UBE4A: variants seen among roughly 807,000 people sequenced by gnomAD.
The protein encoded by UBE4A is ubiquitination factor E4A.
UBE4A carries 48 observed loss-of-function variants against 117.9 expected under a neutral mutation model. The observed-to-expected ratio is 0.41, with a 90% CI of 0.32 to 0.52. UBE4A has a LOEUF of 0.52. UBE4A is among the 20% of genes least tolerant of loss of function. UBE4A has a pLI of 0.33. For missense variants in UBE4A, 1,067 were observed against 1,296.3 expected, an observed-to-expected ratio of 0.82 and a Z score of 2.72; for synonymous variants, 407 against 450.0, an observed-to-expected ratio of 0.90 and a Z score of 1.21.
rs756479938 is a variant in UBE4A at position 118,373,605 on chromosome 11, G to A, written c.1036G>A (p.Val346Ile). The change falls in exon 8 of 20, where the codon GTA (valine) becomes ATA (isoleucine). Residue 346 changes from valine to isoleucine, a missense_variant. Transcript: ENST00000252108. ...ISCLLKTPGVVENHGYFLNPS... is the reference protein window; with the variant it reads ...ISCLLKTPGVIENHGYFLNPS... The stretch of plus-strand genomic sequence containing the variant: ...CTGCTTATTAAAGACTCCGGGTGTT[G>A]TAGAAAATCATGGCTACTTTTTGAA... 4 of 1,614,178 alleles carry A rather than the reference G, an allele frequency of 2.5e-6. No individual in the cohort carries two copies. The highest frequency in any genetic ancestry group is 2.2e-5 in the East Asian group (1 of 44,880).
At position 118,384,680 on chromosome 11, in the gene UBE4A, T is replaced by C. The variant is rs1555126862; in HGVS notation, c.2243T>C (p.Met748Thr). ...FEQKFNYRRP[M>T]YPILRYMWGT... ...CAGAAGTTTAATTACCGCCGTCCCA[T>C]GTATCCTATCCTAAGATACATGTGG... Residue 748 changes from methionine (M) to threonine (T), a missense_variant, in exon 14 of 20, where the codon ATG becomes ACG. Met to Thr is a moderately conservative substitution (Grantham distance 81). Transcript: ENST00000252108. The C allele has an allele frequency of 6.2e-7, 1 of 1,614,126 alleles. No individual in the cohort carries two copies. The highest frequency in any genetic ancestry group is 8.5e-7 in the Non-Finnish European group (1 of 1,179,994).
In UBE4A at chr11:118,365,126, G is replaced by C; in HGVS notation, c.46G>C (p.Ala16Pro). 6.2e-7 allele frequency: 1 copy of C among 1,614,030 alleles called. No homozygotes were observed. The highest frequency in any genetic ancestry group is 8.5e-7 in the Non-Finnish European group (1 of 1,179,974). ...NNNNISSNPF[A>P]ALFGSLADAK... ...CAACAACATCTCAAGTAACCCCTTT[G>C]CTGCTCTTTTTGGCTCCCTGGCTGA... Residue 16 changes from alanine (A) to proline (P), a missense_variant, in exon 2 of 20, where the codon GCT (alanine) becomes CCT (proline). By Grantham distance (27) the Ala-to-Pro change is conservative. Coordinates refer to ENST00000252108, the MANE Select transcript of UBE4A (RefSeq NM_001204077.2).
Position 118,398,412 on chromosome 11 carries a change from A to G in UBE4A, c.*1972A>G, listed in dbSNP as rs1200133809. The G allele has an allele frequency of 6.6e-5, 10 of 152,656 alleles. No individual in the cohort carries two copies. The highest frequency in any genetic ancestry group is 2.2e-4 in the African/African-American group (9 of 41,448). 9.5% of individuals were successfully genotyped at this position (152,656 alleles called of 1,614,324 possible). A position where few individuals can be genotyped will look rare whatever the true frequency, so the allele number is the denominator to read the frequency against. On this transcript the variant is annotated 3_prime_UTR_variant, in exon 20 of 20. Coordinates refer to ENST00000252108, the MANE Select transcript of UBE4A (RefSeq NM_001204077.2). Reference sequence around the variant, plus strand: ...GCTATGGCACCATTAATGCTGCTGAATATCTTTAAACTCTGCACAAGCAAG... The same window carrying G: ...GCTATGGCACCATTAATGCTGCTGAGTATCTTTAAACTCTGCACAAGCAAG...
rs55892936 is a variant in UBE4A at position 118,380,134 on chromosome 11, C to CGTGTGT, written c.1876+421_1876+426dup. 4.6e-3 allele frequency among the ~76,000 whole-genome samples: 627 copies of CGTGTGT among 137,030 alleles called. 4 individuals carry two copies. Among genetic ancestry groups the CGTGTGT allele is most frequent in the Middle Eastern group, 0.011 (3 of 272 alleles). The allele number at this position is 137,030 out of a possible 152,430, so 89.9% of individuals were successfully genotyped here. On this transcript the variant is annotated intron_variant, in intron 11 of 19. Coordinates refer to ENST00000252108, the MANE Select transcript of UBE4A (RefSeq NM_001204077.2). ...GGGAAAGAGTGTGTGTGTGTGTGTG[C>CGTGTGT]GTGTGTGTGTGTGTGTGTGTGTGTG...
chr11:118,393,054 A>G (rs1948834410), intron 19 of UBE4A, among the ~76,000 whole-genome samples, 159 bp downstream of exon 19: 1 of 152,246 alleles, frequency 6.6e-6, no homozygotes, highest in African/African-American at 2.4e-5. Context: ...TTGCTAGGAT[A>G]TAAACATTTC....
At chr11:118,377,070 G>GCT (rs1555125509) in intron 10 of UBE4A, among the ~76,000 whole-genome samples, 37 of 152,140 alleles carry the variant, frequency 2.4e-4, no homozygotes, top group Middle Eastern at 6.8e-3. Context: ...AAAAAGAGAG[G>GCT]AAGAGTCTTA....
rs1408201055 is a variant in UBE4A, at chr11:118,398,356, TA to T, written c.*1919del. 2 of 152,644 alleles carry T rather than the reference TA, an allele frequency of 1.3e-5. No individual in the cohort carries two copies. The highest frequency in any genetic ancestry group is 2.4e-5 in the African/African-American group (1 of 41,432). 9.5% of individuals were successfully genotyped at this position (152,644 alleles called of 1,614,324 possible). On this transcript the variant is annotated 3_prime_UTR_variant, in exon 20 of 20. Transcript: ENST00000252108. ...TTCTGGCAAGCTTTTCTTCTTTTTT[TA>T]AACTCTTTTCCTGAAACTTTTTATG...
intron 9 of UBE4A, 109 bp from the exon 10 acceptor site, chr11:118,376,465 A>G: frequency 7.1e-6 from 10 of 1,411,334 alleles, no homozygotes; most frequent in South Asian, 4.5e-5. Context: ...ATATGACAAG[A>G]TATGTTTTTA....
chr11:118,362,966 C>T (rs939232073), intron 1 of UBE4A, among the ~76,000 whole-genome samples: 4 of 151,922 alleles, frequency 2.6e-5, no homozygotes, highest in Non-Finnish European at 5.9e-5. Context: ...GGAGTGGATA[C>T]CCAAAGGAAA....
intron 18 of UBE4A, among the ~76,000 whole-genome samples, chr11:118,391,946 A>G (rs1174458844): frequency 6.6e-6 from 1 of 152,202 alleles, no homozygotes; most frequent in Non-Finnish European, 1.5e-5. Flanking sequence ...TTTAGAAAAA[A>G]AAAAAGATGA....
intron 4 of UBE4A, among the ~76,000 whole-genome samples, chr11:118,370,395 T>C (rs1017340599): frequency 1.3e-5 from 2 of 152,072 alleles, no homozygotes; most frequent in African/African-American, 4.8e-5. Flanking sequence ...GGAGGCCAAG[T>C]TGGGAGGATC....
At chr11:118,367,260 T>A (rs1483489055) in intron 2 of UBE4A, among the ~76,000 whole-genome samples, 10 of 134,324 alleles carry the variant, frequency 7.4e-5, no homozygotes, top group Non-Finnish European at 1.1e-4. Flanking sequence ...AAAAAAAAAA[T>A]CGAAGGAATT....
At chr11:118,374,410 A>G (rs928396522) in intron 8 of UBE4A, among the ~76,000 whole-genome samples, 1 of 152,174 alleles carries the variant, frequency 6.6e-6, no homozygotes. Context: ...TGAATTGGGG[A>G]TAGTTTAAGT....
chr11:118,390,323 T>C (rs1253505107), intron 17 of UBE4A, among the ~76,000 whole-genome samples: 1 of 149,924 alleles, frequency 6.7e-6, no homozygotes, highest in Non-Finnish European at 1.5e-5. Context: ...TGATACTTGA[T>C]AGACTTCCTA....
In UBE4A at chr11:118,389,720, T is replaced by C. The variant is rs1555127892; in HGVS notation, c.2588-5T>C. 1 of 1,585,176 alleles carries C rather than the reference T, an allele frequency of 6.3e-7. No individual in the cohort carries two copies. The highest frequency in any genetic ancestry group is 2.3e-5 in the East Asian group (1 of 44,390). On this transcript the variant is annotated splice_region_variant and splice_polypyrimidine_tract_variant and intron_variant, in intron 16 of 19. Coordinates refer to ENST00000252108, the MANE Select transcript of UBE4A (RefSeq NM_001204077.2). ...AGTTTTCAGAGACTTTGGATTCTTT[T>C]CCAGAGATCAAGTCACTCTTTGTGC...
chr11:118,366,215 C>G lies in UBE4A; in HGVS notation c.121+1014C>G, dbSNP rs1275125633. The stretch of plus-strand genomic sequence containing the variant: ...TTTTTTTTAACATGGTATTTTCAGT[C>G]TCTGAAATCTCTCCCAGATTTCTAT... On this transcript the variant is annotated intron_variant, in intron 2 of 19. Coordinates refer to ENST00000252108, the MANE Select transcript of UBE4A (RefSeq NM_001204077.2). Among the ~76,000 whole-genome samples, 3 of 151,980 alleles carry G rather than the reference C, an allele frequency of 2.0e-5. No homozygotes were observed. The East Asian group carries it at 5.8e-4, about 29-fold the overall frequency.
chr11:118,382,905 C>A, intron 13 of UBE4A, 129 bp downstream of exon 13: 1 of 811,888 alleles, frequency 1.2e-6, no homozygotes, highest in Non-Finnish European at 1.7e-6. Context: ...ATATGCCAGG[C>A]TTGATGATAA....
intron 19 of UBE4A, among the ~76,000 whole-genome samples, chr11:118,393,985 G>A (rs1373352460): frequency 1.3e-5 from 2 of 152,144 alleles, no homozygotes; most frequent in African/African-American, 2.4e-5. Flanking sequence ...TGGTAACCAT[G>A]AACTTTCCCC....
At position 118,396,539 on chromosome 11, in the gene UBE4A, T is replaced by C. The variant is rs1316274851; in HGVS notation, c.*99T>C. The C allele has an allele frequency of 7.2e-7, 1 of 1,389,798 alleles. No individual in the cohort carries two copies. Among genetic ancestry groups the C allele is most frequent in the Non-Finnish European group, 9.5e-7 (1 of 1,050,914 alleles). The allele number at this position is 1,389,798 out of a possible 1,614,324, so 86.1% of individuals were successfully genotyped here. On this transcript the variant is annotated 3_prime_UTR_variant, in exon 20 of 20. Transcript: ENST00000252108. ...GGTTCTGTTCCTTTTCTTTCTTCTT[T>C]TCTTTTTCTTTTTTTTTTTTTTTTT...
Sources: allele counts gnomAD v4.1 joint callset (sites outside exome capture counted in the v4.1 genomes callset), GRCh38; gene constraint gnomAD v4.1.1; transcripts MANE v1.5; gene names NCBI Gene and HGNC (gene_info 2026-07-23, HGNC 2026-07-21).